TCF4: variants seen among roughly 807,000 people sequenced by gnomAD.
TCF4 encodes SL3-3 enhancer factor 2.
In TCF4, 3 loss-of-function variants were observed where a neutral mutation model predicts 82.1. The observed-to-expected ratio is 0.04, with a 90% CI of 0.02 to 0.09. The LOEUF is 0.09. Ranked by LOEUF, TCF4 falls within the 10% of genes least tolerant of loss-of-function variation. The pLI is 1.00. For synonymous variants in TCF4, 276 were observed against 309.6 expected (o/e 0.89, Z 1.14); for missense variants, 518 against 852.7 (o/e 0.61, Z 4.89).
chr18:55,499,168 T>C (rs1252845465), intron 3 of TCF4, among the ~76,000 whole-genome samples: 1 of 152,212 alleles, frequency 6.6e-6, no homozygotes, highest in Non-Finnish European at 1.5e-5. Context: ...TCTTGGAGTA[T>C]ACAGGGACTC....
At chr18:55,459,427 A>G (rs2144725981) in intron 5 of TCF4, among the ~76,000 whole-genome samples, 1 of 152,350 alleles carries the variant, frequency 6.6e-6, no homozygotes, top group East Asian at 1.9e-4. Context: ...CATAGATAAC[A>G]TAAGCGTCTC....
At chr18:55,632,405 T>C (rs1211240233) in intron 1 of TCF4, among the ~76,000 whole-genome samples, 2 of 152,194 alleles carry the variant, frequency 1.3e-5, no homozygotes, top group African/African-American at 2.4e-5. Context: ...CTAACTGTTA[T>C]ACAGGGAATA....
At chr18:55,277,193 G>T (rs1266780331) in intron 9 of TCF4, among the ~76,000 whole-genome samples, 3 of 152,166 alleles carry the variant, frequency 2.0e-5, no homozygotes, top group Non-Finnish European at 4.4e-5. Flanking sequence ...AACTGTTTCT[G>T]TGGCCATCAT....
chr18:55,369,235 G>A lies in TCF4; in HGVS notation c.370-18232C>T, dbSNP rs1385899866. On this transcript the variant is annotated intron_variant, in intron 6 of 19. Transcript: ENST00000354452. ...AATCCTACATGTTTTGAAACTTAAGGAAAGAGATTAAGACTCAAACTGTCT... is the reference window on the plus strand; with the variant it reads ...AATCCTACATGTTTTGAAACTTAAGAAAAGAGATTAAGACTCAAACTGTCT... Among the ~76,000 whole-genome samples the A allele has an allele frequency of 2.6e-5, 4 of 152,130 alleles. No homozygotes were observed. In the East Asian group the frequency reaches 5.8e-4, roughly 22 times the overall value.
Position 55,461,099 on chromosome 18 carries a change from G to T in TCF4, c.224C>A (p.Thr75Asn). 2 of 1,612,734 alleles carry T rather than the reference G, an allele frequency of 1.2e-6. No homozygotes were observed. Among genetic ancestry groups the T allele is most frequent in the Non-Finnish European group, 1.7e-6 (2 of 1,179,034 alleles). The change falls in exon 5 of 20, where the codon ACT (threonine) becomes AAT (asparagine). Residue 75 changes from threonine (T) to asparagine (N), a missense_variant. Around this residue, in one of 7 missense-constraint regions of TCF4, gnomAD observed 80 missense variants for 93.8 expected, o/e 0.85. Coordinates refer to ENST00000354452, the MANE Select transcript of TCF4 (RefSeq NM_001083962.2). ...PSPSRNYGDG[T>N]PYDHMTSRDL... The stretch of plus-strand genomic sequence containing the variant: ...CCTGCTGGTCATGTGGTCATAGGGA[G>T]TCCCATCTCCATAGTTCTGTAAATA...
intron 8 of TCF4, among the ~76,000 whole-genome samples, chr18:55,298,686 A>T (rs2067227135): frequency 6.6e-6 from 1 of 152,210 alleles, no homozygotes; most frequent in African/African-American, 2.4e-5. Flanking sequence ...TACTACTAAA[A>T]CATGTGACTA....
At chr18:55,514,356 T>C (rs2096857948) in intron 3 of TCF4, among the ~76,000 whole-genome samples, 1 of 151,650 alleles carries the variant, frequency 6.6e-6, no homozygotes, top group African/African-American at 2.4e-5. Context: ...ATATTATGCA[T>C]TCATGCATGC....
At chr18:55,398,920 G>A (rs1361322594) in intron 6 of TCF4, among the ~76,000 whole-genome samples, 1 of 152,200 alleles carries the variant, frequency 6.6e-6, no homozygotes, top group Non-Finnish European at 1.5e-5. Flanking sequence ...CTAAGGCCCT[G>A]CAAGGGAGAG....
intron 2 of TCF4, among the ~76,000 whole-genome samples, chr18:55,614,797 T>C (rs2097710256): frequency 6.6e-6 from 1 of 152,172 alleles, no homozygotes; most frequent in African/African-American, 2.4e-5. Flanking sequence ...TTTTGGATCA[T>C]GCTTTTGGTA....
chr18:55,530,455 T>C (rs979123975), intron 3 of TCF4, among the ~76,000 whole-genome samples: 5 of 145,478 alleles, frequency 3.4e-5, no homozygotes, highest in East Asian at 2.0e-4. Flanking sequence ...GAAATCTATA[T>C]AGAAGAAACA....
At chr18:55,617,903 T>A (rs1025771293) in intron 2 of TCF4, among the ~76,000 whole-genome samples, 1 of 150,746 alleles carries the variant, frequency 6.6e-6, no homozygotes, top group Admixed American at 6.7e-5. Flanking sequence ...CCAGAAAAAA[T>A]TTTACTTCTT....
chr18:55,386,990 T>G (rs938443577), intron 6 of TCF4, among the ~76,000 whole-genome samples: 1 of 152,026 alleles, frequency 6.6e-6, no homozygotes, highest in Admixed American at 6.5e-5. Context: ...ATTTTTACAC[T>G]AGAACAGAAA....
At chr18:55,581,621 A>C (rs1381335646) in intron 3 of TCF4, among the ~76,000 whole-genome samples, 1 of 152,030 alleles carries the variant, frequency 6.6e-6, no homozygotes, top group African/African-American at 2.4e-5. Flanking sequence ...ATCACTATGA[A>C]CTCAAAACTA....
chr18:55,514,442 CA>C (rs35228106), intron 3 of TCF4, among the ~76,000 whole-genome samples: 22,417 of 148,408 alleles, frequency 0.15, 1,757 homozygotes, highest in South Asian at 0.23. Flanking sequence ...CACACACACA[CA>C]CACCCCAATC....
intron 2 of TCF4, among the ~76,000 whole-genome samples, chr18:55,622,881 C>G (rs200047603): frequency 1.3e-5 from 2 of 149,622 alleles, no homozygotes; most frequent in Admixed American, 6.7e-5. Flanking sequence ...TTTCTCCACT[C>G]TGTGTGTGTG....
intron 15 of TCF4, among the ~76,000 whole-genome samples, chr18:55,247,525 T>C (rs2053648310): frequency 6.6e-6 from 1 of 152,142 alleles, no homozygotes; most frequent in Non-Finnish European, 1.5e-5. Flanking sequence ...AAACAGGATA[T>C]TGTTAGGTGG....
chr18:55,434,004 T>C (rs1045222401), intron 5 of TCF4, among the ~76,000 whole-genome samples: 1 of 152,104 alleles, frequency 6.6e-6, no homozygotes, highest in African/African-American at 2.4e-5. Context: ...CTAAAGGAAA[T>C]AAAACAAATC....
intron 3 of TCF4, among the ~76,000 whole-genome samples, chr18:55,495,142 C>T (rs2096620339): frequency 6.6e-6 from 1 of 151,976 alleles, no homozygotes; most frequent in Non-Finnish European, 1.5e-5. Context: ...TTGATTCAGA[C>T]TGTTGACTCA....
At chr18:55,289,234 C>T (rs1423452726) in intron 8 of TCF4, among the ~76,000 whole-genome samples, 1 of 152,172 alleles carries the variant, frequency 6.6e-6, no homozygotes, top group Non-Finnish European at 1.5e-5. Flanking sequence ...GTTACTTATT[C>T]ATGTGGGAGT....
Sources: gnomAD v4.1 joint callset for allele counts (sites outside exome capture counted in the v4.1 genomes callset) on GRCh38, gnomAD v4.1.1 for gene constraint, gnomAD v4.1.1 regional missense constraint, MANE v1.5 for transcripts, NCBI Gene and HGNC (gene_info 2026-07-23, HGNC 2026-07-21) for gene names.